The following CCR3 variants were observed in gnomAD, a reference collection of about 807,000 sequenced individuals.
CCR3 encodes C-C motif chemokine receptor 3.
For missense variants in CCR3, 419 were observed against 437.5 expected (o/e 0.96, Z 0.38); for synonymous variants, 203 against 179.2 (o/e 1.13, Z -1.06).
upstream of CCR3, among the ~76,000 whole-genome samples, chr3:46,238,864 T>A (rs1700048060): frequency 6.6e-6 from 1 of 152,198 alleles, no homozygotes; most frequent in Non-Finnish European, 1.5e-5. Context: ...ATGATGCCAT[T>A]TATATATGAT....
At chr3:46,254,445 A>G (rs1271507190) in intron 1 of CCR3, among the ~76,000 whole-genome samples, 3 of 120,084 alleles carry the variant, frequency 2.5e-5, no homozygotes, top group African/African-American at 1.1e-4. Context: ...TTTATAAAGC[A>G]TAAAGGGGAA....
intron 2 of CCR3, among the ~76,000 whole-genome samples, chr3:46,231,434 G>A (rs1009783782): frequency 2.6e-5 from 4 of 152,162 alleles, no homozygotes; most frequent in Non-Finnish European, 5.9e-5. Flanking sequence ...AAATATTTCT[G>A]GTTGTTACTT....
At chr3:46,227,869 T>G (rs1210670510) in intron 2 of CCR3, among the ~76,000 whole-genome samples, 2 of 152,206 alleles carry the variant, frequency 1.3e-5, no homozygotes, top group African/African-American at 4.8e-5. Flanking sequence ...GATTCCACTT[T>G]GGCTTGAGAA....
chr3:46,254,418 G>C (rs1275979079), intron 1 of CCR3, among the ~76,000 whole-genome samples: 3 of 152,084 alleles, frequency 2.0e-5, no homozygotes, highest in Non-Finnish European at 2.9e-5. Context: ...TTCCCACTTA[G>C]AGCACTTACA....
intron 1 of CCR3, among the ~76,000 whole-genome samples, chr3:46,243,593 C>T (rs975686404): frequency 6.6e-6 from 1 of 152,094 alleles, no homozygotes; most frequent in Non-Finnish European, 1.5e-5. Flanking sequence ...TGAGTGTTAA[C>T]TTTGACAAGT....
At chr3:46,237,245 G>T (rs187139344) in intron 2 of CCR3, among the ~76,000 whole-genome samples, 1 of 152,282 alleles carries the variant, frequency 6.6e-6, no homozygotes, top group Non-Finnish European at 1.5e-5. Flanking sequence ...TAATGGGATT[G>T]CTGGATTGTA....
intron 1 of CCR3, among the ~76,000 whole-genome samples, chr3:46,259,369 A>T (rs1700482857): frequency 6.6e-6 from 1 of 152,220 alleles, no homozygotes; most frequent in Non-Finnish European, 1.5e-5. Context: ...ACTATAATGC[A>T]GTTGAAGAAG....
rs754502528 is a variant in CCR3, at chr3:46,224,282, C to G, written c.-68+13375C>G. Reference sequence around the variant, plus strand: ...ACCAGAATGGCTAAAATGAAAAAAACGCAAAACAACATCAACAAAAAACCA... The same window carrying G: ...ACCAGAATGGCTAAAATGAAAAAAAGGCAAAACAACATCAACAAAAAACCA... On this transcript the variant is annotated intron_variant, in intron 2 of 3. Coordinates refer to the CCR3 transcript ENST00000357422. Among the ~76,000 whole-genome samples the G allele has an allele frequency of 3.9e-5, 6 of 152,104 alleles. No individual in the cohort carries two copies. In the East Asian group the frequency reaches 1.2e-3, roughly 29 times the overall value.
chr3:46,236,602 G>C (rs553064495), intron 2 of CCR3, among the ~76,000 whole-genome samples: 1 of 152,240 alleles, frequency 6.6e-6, no homozygotes, highest in Admixed American at 6.5e-5. Context: ...GAGGCTTCCA[G>C]TTCCTCTAAT....
At chr3:46,256,504 T>C (rs543397978) in intron 1 of CCR3, among the ~76,000 whole-genome samples, 1 of 152,276 alleles carries the variant, frequency 6.6e-6, no homozygotes, top group East Asian at 1.9e-4. Flanking sequence ...TTTATATTCC[T>C]ATAGGTGGAT....
chr3:46,246,869 G>T (rs572771043), intron 1 of CCR3, among the ~76,000 whole-genome samples: 1 of 152,112 alleles, frequency 6.6e-6, no homozygotes, highest in Non-Finnish European at 1.5e-5. Context: ...GGCGGCGTGG[G>T]AACCTAGAGT....
At chr3:46,247,907 C>G (rs1487543159) in intron 1 of CCR3, among the ~76,000 whole-genome samples, 1 of 152,074 alleles carries the variant, frequency 6.6e-6, no homozygotes, top group Non-Finnish European at 1.5e-5. Flanking sequence ...CATAGAATAG[C>G]AGATGGAACA....
chr3:46,249,585 C>G (rs1264049326), intron 1 of CCR3, among the ~76,000 whole-genome samples: 3 of 152,164 alleles, frequency 2.0e-5, no homozygotes, highest in African/African-American at 7.2e-5. Flanking sequence ...AGCCGCTAAG[C>G]CAAGAAGGAG....
intron 2 of CCR3, among the ~76,000 whole-genome samples, chr3:46,221,364 T>A (rs1231737100): frequency 6.6e-6 from 1 of 152,198 alleles, no homozygotes; most frequent in African/African-American, 2.4e-5. Context: ...GTATCTGAGT[T>A]TATATAAATC....
chr3:46,247,094 A>G (rs919158194), intron 1 of CCR3, among the ~76,000 whole-genome samples: 2 of 152,150 alleles, frequency 1.3e-5, no homozygotes, highest in African/African-American at 4.8e-5. Context: ...GCCTAAGGAG[A>G]TTCAGCATAG....
intron 1 of CCR3, among the ~76,000 whole-genome samples, chr3:46,253,783 T>A (rs1700363914): frequency 1.3e-5 from 2 of 152,306 alleles, no homozygotes; most frequent in South Asian, 4.1e-4. Flanking sequence ...AATTTTGTGT[T>A]GATGCCCAGT....
intron 2 of CCR3, among the ~76,000 whole-genome samples, chr3:46,230,312 G>A (rs1699947266): frequency 6.6e-6 from 1 of 152,082 alleles, no homozygotes; most frequent in African/African-American, 2.4e-5. Flanking sequence ...GAGGTGTCCT[G>A]ACATAAAATT....
intron 2 of CCR3, among the ~76,000 whole-genome samples, chr3:46,214,369 C>T (rs749620998): frequency 2.0e-5 from 3 of 152,168 alleles, no homozygotes; most frequent in Admixed American, 6.6e-5. Context: ...CCATCCCTTC[C>T]GCTTGTGCAG....
chr3:46,237,351 G>T (rs1308097954), intron 2 of CCR3, among the ~76,000 whole-genome samples: 1 of 152,172 alleles, frequency 6.6e-6, no homozygotes, highest in Admixed American at 6.5e-5. Context: ...GTACTTGGGT[G>T]AATGGTTTGC....
Sources: gnomAD v4.1 joint callset for allele counts (sites outside exome capture counted in the v4.1 genomes callset) on GRCh38, gnomAD v4.1.1 for gene constraint, MANE v1.5 for transcripts, NCBI Gene and HGNC (gene_info 2026-07-23, HGNC 2026-07-21) for gene names.